The following MIX23 variants were observed in gnomAD, a reference collection of about 807,000 sequenced individuals.
MIX23 encodes protein MIX23.
MIX23 carries 13 observed loss-of-function variants against 21.6 expected under a neutral mutation model. The ratio of observed to expected loss-of-function variants is 0.60; its 90% confidence interval spans 0.39 to 0.96. MIX23 has a LOEUF of 0.96. Among genes scored for constraint, MIX23 ranks in the 40% least tolerant of loss-of-function variants. The probability of loss-of-function intolerance (pLI) is 0.00; values close to 1 mark genes in which losing one functional copy is unlikely to be tolerated. For synonymous variants in MIX23, 59 were observed against 58.0 expected (o/e 1.02, Z -0.08); for missense variants, 144 against 171.2 (o/e 0.84, Z 0.89).
At chr3:122,375,556 C>G (rs1016911363) in intron 1 of MIX23, among the ~76,000 whole-genome samples, 1 of 152,154 alleles carries the variant, frequency 6.6e-6, no homozygotes, top group African/African-American at 2.4e-5. Flanking sequence ...TAGTAGCGAA[C>G]AGATGAAACA....
chr3:122,368,939 G>A (rs1023275113), intron 2 of MIX23, among the ~76,000 whole-genome samples: 4 of 152,158 alleles, frequency 2.6e-5, no homozygotes, highest in Admixed American at 6.5e-5. Context: ...CATCAATTGT[G>A]TGTGCTTATT....
intron 1 of MIX23, among the ~76,000 whole-genome samples, chr3:122,382,676 A>G (rs1229640064): frequency 6.6e-6 from 1 of 152,228 alleles, no homozygotes; most frequent in African/African-American, 2.4e-5. Context: ...CTAATGGGCA[A>G]TGACACTAGA....
intron 1 of MIX23, among the ~76,000 whole-genome samples, chr3:122,378,956 T>C (rs150433677): frequency 3.9e-4 from 59 of 152,330 alleles, no homozygotes; most frequent in African/African-American, 1.3e-3. Context: ...CATATGGAGA[T>C]AGCATAAATG....
intron 3 of MIX23, among the ~76,000 whole-genome samples, chr3:122,363,923 A>G (rs1346646333): frequency 6.6e-6 from 1 of 152,226 alleles, no homozygotes; most frequent in Admixed American, 6.5e-5. Flanking sequence ...GCTTGAAAAT[A>G]TTCAGGAAAA....
chr3:122,360,737 A>G (rs2075352273), intron 4 of MIX23, among the ~76,000 whole-genome samples: 1 of 152,144 alleles, frequency 6.6e-6, no homozygotes, highest in Non-Finnish European at 1.5e-5. Context: ...ATCACTTTTT[A>G]GGTTAAAAAA....
chr3:122,368,135 GA>G, intron 3 of MIX23, 40 bp downstream of exon 3: 1 of 1,600,080 alleles, frequency 6.2e-7, no homozygotes, highest in Non-Finnish European at 8.5e-7. Flanking sequence ...GCTACAATTG[GA>G]AAAACTTTGC....
At chr3:122,380,754 C>T (rs1281307517) in intron 1 of MIX23, among the ~76,000 whole-genome samples, 1 of 152,076 alleles carries the variant, frequency 6.6e-6, no homozygotes, top group Non-Finnish European at 1.5e-5. Flanking sequence ...AATATAATAG[C>T]ATATGCCACA....
chr3:122,371,542 T>C (rs939459946), intron 2 of MIX23, 133 bp downstream of exon 2: 7 of 1,004,912 alleles, frequency 7.0e-6, no homozygotes, highest in South Asian at 2.8e-5. Flanking sequence ...TCAAAACTTA[T>C]ATACACCATC....
At position 122,361,812 on chromosome 3, in the gene MIX23, T is replaced by C. The variant is rs183183393; in HGVS notation, c.384+1156A>G. Among the ~76,000 whole-genome samples the C allele has an allele frequency of 7.9e-4, 121 of 152,300 alleles. 3 individuals carry two copies. Among genetic ancestry groups the C allele is most frequent in the Non-Finnish European group, 2.1e-4 (14 of 68,022 alleles). On this transcript the variant is annotated intron_variant, in intron 4 of 4. Coordinates refer to ENST00000291458, the MANE Select transcript of MIX23 (RefSeq NM_001017928.4). Reference sequence around the variant, plus strand: ...GAATAGGAAACCTTGGCAAAGAGGATAAGATAGAGAAATGTGATAAAGCAA... The same window carrying C: ...GAATAGGAAACCTTGGCAAAGAGGACAAGATAGAGAAATGTGATAAAGCAA...
chr3:122,368,357 A>G, intron 2 of MIX23, 35 bp from the exon 3 acceptor site: 2 of 1,540,354 alleles, frequency 1.3e-6, no homozygotes, highest in South Asian at 1.2e-5. Context: ...AGAAAAAAAA[A>G]CTGCATAAAT....
At chr3:122,379,938 C>T (rs535207295) in intron 1 of MIX23, among the ~76,000 whole-genome samples, 1 of 152,222 alleles carries the variant, frequency 6.6e-6, no homozygotes, top group South Asian at 2.1e-4. Context: ...TATGTCTTCT[C>T]TGTAATTGGT....
At position 122,359,703 on chromosome 3, in the gene MIX23, C is replaced by A; in HGVS notation, c.*166G>T. The A allele has an allele frequency of 1.3e-5, 5 of 388,660 alleles. No individual in the cohort carries two copies. Among genetic ancestry groups the A allele is most frequent in the Admixed American group, 5.0e-5 (1 of 20,012 alleles). The allele number at this position is 388,660 out of a possible 1,614,324, so 24.1% of individuals were successfully genotyped here. On this transcript the variant is annotated 3_prime_UTR_variant, in exon 5 of 5. Coordinates refer to ENST00000291458, the MANE Select transcript of MIX23 (RefSeq NM_001017928.4). ...TCCATAATTATCAGAATTATTTATA[C>A]TTGAGGTCTTGGCTAAGTGGGGCTG...
chr3:122,381,697 G>A lies in MIX23; in HGVS notation c.51+1477C>T, dbSNP rs2075533233. The stretch of plus-strand genomic sequence containing the variant: ...TGTGCCACTGCACTCCAGCCTGGGG[G>A]ATAGAGCGAGACTCTGTCTCAAAAA... On this transcript the variant is annotated intron_variant, in intron 1 of 4. Coordinates refer to ENST00000291458, the MANE Select transcript of MIX23 (RefSeq NM_001017928.4). Among the ~76,000 whole-genome samples the A allele has an allele frequency of 2.0e-5, 3 of 148,814 alleles. No individual in the cohort carries two copies. In the Admixed American group the frequency reaches 2.0e-4, roughly 10 times the overall value.
intron 1 of MIX23, among the ~76,000 whole-genome samples, chr3:122,373,875 G>A (rs543266598): frequency 1.3e-5 from 2 of 152,048 alleles, no homozygotes; most frequent in East Asian, 1.9e-4. Context: ...TTCTCGTCCT[G>A]TATCTTTCTA....
At chr3:122,367,960 T>A in intron 3 of MIX23, 1 of 547,410 alleles carries the variant, frequency 1.8e-6, no homozygotes, top group Non-Finnish European at 3.2e-6. Flanking sequence ...TAGACAAAGC[T>A]GCTATGCTGC....
chr3:122,375,552 C>T (rs2075479048), intron 1 of MIX23, among the ~76,000 whole-genome samples: 1 of 152,062 alleles, frequency 6.6e-6, no homozygotes, highest in Admixed American at 6.5e-5. Flanking sequence ...GTGGTAGTAG[C>T]GAACAGATGA....
chr3:122,369,183 T>C (rs2075419406), intron 2 of MIX23, among the ~76,000 whole-genome samples: 1 of 152,216 alleles, frequency 6.6e-6, no homozygotes, highest in African/African-American at 2.4e-5. Flanking sequence ...ATGTTTACCA[T>C]GGGAATAAAC....
intron 1 of MIX23, among the ~76,000 whole-genome samples, chr3:122,382,035 G>A (rs914349155): frequency 6.6e-6 from 1 of 152,096 alleles, no homozygotes; most frequent in Non-Finnish European, 1.5e-5. Flanking sequence ...CAGCCCTAGC[G>A]GACTAATACA....
intron 1 of MIX23, among the ~76,000 whole-genome samples, chr3:122,381,697 GA>G (rs1456284742): frequency 6.7e-6 from 1 of 148,818 alleles, no homozygotes; most frequent in Non-Finnish European, 1.5e-5. Flanking sequence ...CAGCCTGGGG[GA>G]TAGAGCGAGA....
Sources: gnomAD v4.1 joint callset for allele counts (sites outside exome capture counted in the v4.1 genomes callset) on GRCh38, gnomAD v4.1.1 for gene constraint, MANE v1.5 for transcripts, NCBI Gene and HGNC (gene_info 2026-07-23, HGNC 2026-07-21) for gene names.